The following LYST variants were observed in gnomAD, a reference collection of about 807,000 sequenced individuals.
The protein encoded by LYST is lysosomal-trafficking regulator.
A neutral mutation model predicts 413.6 loss-of-function variants in LYST; 192 were observed. The ratio of observed to expected loss-of-function variants is 0.46; its 90% CI spans 0.41 to 0.52. LYST has a LOEUF of 0.52. Among genes scored for constraint, LYST ranks in the 20% least tolerant of loss-of-function variants. The pLI, the probability that LYST is intolerant of heterozygous loss-of-function variation, is 0.00. For synonymous variants in LYST, 1,525 were observed against 1,567.3 expected, an observed-to-expected ratio of 0.97 and a Z score of 0.64; for missense variants, 3,815 against 4,499.9, an observed-to-expected ratio of 0.85 and a Z score of 4.35.
upstream of LYST, among the ~76,000 whole-genome samples, chr1:235,869,993 T>G (rs1017426213): frequency 2.6e-5 from 4 of 152,122 alleles, no homozygotes; most frequent in Non-Finnish European, 5.9e-5. Flanking sequence ...CCTCCACGTC[T>G]TTGCTCAAAT....
Position 235,806,585 on chromosome 1 carries a change from A to G in LYST, c.2551T>C (p.Ser851Pro). 5 of 1,614,114 alleles carry G rather than the reference A, an allele frequency of 3.1e-6. No individual in the cohort carries two copies. Among genetic ancestry groups the G allele is most frequent in the Non-Finnish European group, 4.2e-6 (5 of 1,179,958 alleles). Residue 851 changes from serine to proline, a missense_variant, in exon 6 of 53, where the codon TCT becomes CCT. Ser to Pro is a moderately conservative substitution (Grantham distance 74). Transcript: ENST00000389793. The part of the protein sequence containing the change: ...GIDIEQKELS[S>P]VHVGTSFHHQ... ...TGAAAAGAAGTACCCACATGTACAG[A>G]GGACAACTCCTTCTGTTCAATGTCT...
At chr1:235,720,387 A>G (rs1663256581) in intron 40 of LYST, among the ~76,000 whole-genome samples, 1 of 152,074 alleles carries the variant, frequency 6.6e-6, no homozygotes, top group Non-Finnish European at 1.5e-5. Flanking sequence ...ACTGTGGTTG[A>G]GATGTTCTAT....
intron 14 of LYST, among the ~76,000 whole-genome samples, chr1:235,782,335 AT>A (rs1391466068): frequency 6.6e-6 from 1 of 151,730 alleles, no homozygotes; most frequent in Admixed American, 6.6e-5. Context: ...GGCCTGGTTA[AT>A]TTTTTGTATT....
intron 10 of LYST, among the ~76,000 whole-genome samples, chr1:235,797,012 C>G (rs1671620649): frequency 6.6e-6 from 1 of 152,082 alleles, no homozygotes; most frequent in South Asian, 2.1e-4. Context: ...AATTAGAACC[C>G]TTATACACTG....
intron 1 of LYST, among the ~76,000 whole-genome samples, chr1:235,872,261 A>C (rs964920380): frequency 2.0e-5 from 3 of 146,634 alleles, no homozygotes; most frequent in African/African-American, 5.1e-5. Context: ...GCACCACTGC[A>C]CTCCAGCCCA....
chr1:235,796,715 T>C (rs564673397), intron 10 of LYST, among the ~76,000 whole-genome samples: 1 of 152,288 alleles, frequency 6.6e-6, no homozygotes, highest in South Asian at 2.1e-4. Flanking sequence ...CATTTTGCCA[T>C]GTGAGGATGC....
intron 28 of LYST, among the ~76,000 whole-genome samples, chr1:235,747,684 G>A (rs1025550151): frequency 1.3e-5 from 2 of 152,136 alleles, no homozygotes; most frequent in Admixed American, 1.3e-4. Context: ...TAATTCAGCG[G>A]TATGATAATA....
At chr1:235,808,009 T>C (rs950132463) in intron 5 of LYST, among the ~76,000 whole-genome samples, 4 of 152,210 alleles carry the variant, frequency 2.6e-5, no homozygotes, top group Admixed American at 2.6e-4. Context: ...CATATTCCAA[T>C]ATGATCTTTG....
At position 235,759,424 on chromosome 1, in the gene LYST, T is replaced by C. The variant is rs1558201381; in HGVS notation, c.6429A>G (p.Gln2143=). The change falls in exon 23 of 53, where the codon CAA becomes CAG. Residue 2143 remains glutamine (Q), a synonymous_variant. Coordinates refer to ENST00000389793, the MANE Select transcript of LYST (RefSeq NM_000081.4). ...TCCCCAAAGAATTTTGTTTCTTTGA[T>C]TGGGTGGCAACATAAGTATCTGCAA... is the stretch of plus-strand genomic sequence containing the variant. ...QNIADTYVAT[Q]SKKQNSLGSS... The C allele has an allele frequency of 1.2e-6, 2 of 1,614,110 alleles. No individual in the cohort carries two copies. The highest frequency in any genetic ancestry group is 1.7e-6 in the Non-Finnish European group (2 of 1,179,964).
intron 14 of LYST, among the ~76,000 whole-genome samples, chr1:235,782,407 T>A (rs1241366434): frequency 6.6e-6 from 1 of 151,966 alleles, no homozygotes; most frequent in African/African-American, 2.4e-5. Context: ...TCTCCTGACC[T>A]CATGATCCAC....
intron 39 of LYST, among the ~76,000 whole-genome samples, chr1:235,721,361 G>T (rs1197294330): frequency 7.9e-5 from 12 of 152,086 alleles, no homozygotes; most frequent in Non-Finnish European, 1.5e-5. Flanking sequence ...TCTCTCATAA[G>T]AATTAAATAA....
In LYST at chr1:235,759,180, G is replaced by T. The variant is rs375665715; in HGVS notation, c.6673C>A (p.Arg2225Ser). ...DDSPGDESCP[R>S]RPDYLKGLAS... ...AATCCCTTTAGGTAATCAGGTCGGC[G>T]TGGGCAGGACTCATCCCCAGGACTG... Residue 2225 changes from arginine to serine, a missense_variant, in exon 23 of 53, where the codon CGC becomes AGC. Physicochemically the swap from Arg to Ser is moderately radical, Grantham distance 110. Coordinates refer to ENST00000389793, the MANE Select transcript of LYST (RefSeq NM_000081.4). 5.0e-6 allele frequency: 8 copies of T among 1,614,138 alleles called. No individual in the cohort carries two copies. Among genetic ancestry groups the T allele is most frequent in the Non-Finnish European group, 6.8e-6 (8 of 1,180,012 alleles).
intron 45 of LYST, among the ~76,000 whole-genome samples, chr1:235,702,460 C>T (rs1489872029): frequency 6.6e-6 from 1 of 152,184 alleles, no homozygotes; most frequent in East Asian, 1.9e-4. Flanking sequence ...TATGTCACTG[C>T]CCTGCGAGGC....
Position 235,720,676 on chromosome 1 carries a change from T to C in LYST, c.9545A>G (p.Asp3182Gly), listed in dbSNP as rs1394757048. Residue 3182 changes from aspartate (D) to glycine (G), a missense_variant, in exon 40 of 53, where the codon GAT becomes GGT. Physicochemically the swap from Asp to Gly is moderately conservative, Grantham distance 94 (BLOSUM62 -1). Around this residue, in one of 4 missense-constraint regions of LYST, gnomAD observed 866 missense variants for 1,156.0 expected, o/e 0.75. Coordinates refer to ENST00000389793, the MANE Select transcript of LYST (RefSeq NM_000081.4). ...DYVSETLDLN[D>G]LLIYRNLSKP... Reference sequence around the variant, plus strand: ...TTTAACTTACCTGTATATCAACAGATCATTGAGGTCAAGTGTCTCACTAAC... The same window carrying C: ...TTTAACTTACCTGTATATCAACAGACCATTGAGGTCAAGTGTCTCACTAAC... 8 of 1,613,696 alleles carry C rather than the reference T, an allele frequency of 5.0e-6. No homozygotes were observed. The highest frequency in any genetic ancestry group is 6.8e-6 in the Non-Finnish European group (8 of 1,179,620).
chr1:235,712,731 T>C (rs1662501769), intron 42 of LYST: 1 of 985,242 alleles, frequency 1.0e-6, no homozygotes, highest in African/African-American at 1.7e-5. Context: ...TGTTTTTTGG[T>C]GTTCTAACTC....
intron 3 of LYST, among the ~76,000 whole-genome samples, chr1:235,814,434 G>A (rs528775233): frequency 6.6e-6 from 1 of 152,228 alleles, no homozygotes; most frequent in East Asian, 1.9e-4. Flanking sequence ...ATGAAACTCC[G>A]GACTTTAAAG....
chr1:235,770,090 A>C, intron 20 of LYST, 70 bp downstream of exon 20: 4 of 1,476,390 alleles, frequency 2.7e-6, no homozygotes, highest in Non-Finnish European at 2.8e-6. Flanking sequence ...TGCCACAAAA[A>C]TTTGATGTTC....
chr1:235,731,949 T>C (rs1201204074), intron 34 of LYST, among the ~76,000 whole-genome samples: 1 of 152,198 alleles, frequency 6.6e-6, no homozygotes, highest in Non-Finnish European at 1.5e-5. Context: ...ATAAATTTTA[T>C]CTTAGATGAA....
intron 44 of LYST, among the ~76,000 whole-genome samples, chr1:235,706,674 A>G (rs182100215): frequency 9.9e-5 from 15 of 152,258 alleles, no homozygotes; most frequent in Admixed American, 8.5e-4. Flanking sequence ...TTACATATTA[A>G]TATTATATGT....
Sources: allele counts gnomAD v4.1 joint callset (sites outside exome capture counted in the v4.1 genomes callset), GRCh38; gene constraint gnomAD v4.1.1; regional missense constraint gnomAD v4.1.1; transcripts MANE v1.5; gene names NCBI Gene and HGNC (gene_info 2026-07-23, HGNC 2026-07-21).